CALN1: variants seen among roughly 807,000 people sequenced by gnomAD.
CALN1 encodes the protein calcium-binding protein 8.
In CALN1, 17 loss-of-function variants were observed where a neutral mutation model predicts 30.6. The ratio of observed to expected loss-of-function variants is 0.56; its 90% CI spans 0.38 to 0.83. The LOEUF is 0.83. CALN1 is among the 40% of genes least tolerant of loss of function. CALN1 has a pLI of 0.00. For missense variants in CALN1, 291 were observed against 354.9 expected (o/e 0.82, Z 1.45); for synonymous variants, 156 against 131.4 (o/e 1.19, Z -1.28).
At chr7:72,036,187 C>G (rs1463480270) in intron 4 of CALN1, among the ~76,000 whole-genome samples, 1 of 152,168 alleles carries the variant, frequency 6.6e-6, no homozygotes, top group Non-Finnish European at 1.5e-5. Flanking sequence ...TTCTGGCATC[C>G]AAAGTTTCTG....
intron 3 of CALN1, among the ~76,000 whole-genome samples, chr7:72,205,567 T>TATACACACATATATATATATAC (rs1562733737): frequency 1.1e-4 from 13 of 118,182 alleles, no homozygotes; most frequent in African/African-American, 4.7e-4. Context: ...TATATATATA[T>TATACACACATATATATATATAC]GTATATATAT....
intron 2 of CALN1, among the ~76,000 whole-genome samples, chr7:72,315,164 T>C (rs1800352828): frequency 1.3e-5 from 2 of 151,694 alleles, no homozygotes; most frequent in East Asian, 1.9e-4. Context: ...AAAATAATTT[T>C]TAATAATAAA....
intron 2 of CALN1, among the ~76,000 whole-genome samples, chr7:72,399,872 G>T (rs767917553): frequency 3.9e-5 from 6 of 152,128 alleles, no homozygotes; most frequent in African/African-American, 1.2e-4. Context: ...CACCCTTCCT[G>T]TGATAATGAG....
intron 5 of CALN1, among the ~76,000 whole-genome samples, chr7:71,898,010 AGG>A (rs1295708591): frequency 6.7e-4 from 41 of 61,164 alleles, no homozygotes; most frequent in Non-Finnish European, 6.1e-4. Flanking sequence ...AGAGGGAGGG[AGG>A]GGGGGGGAGA....
At chr7:72,212,177 A>C (rs1460780077) in intron 3 of CALN1, among the ~76,000 whole-genome samples, 2 of 152,002 alleles carry the variant, frequency 1.3e-5, no homozygotes, top group African/African-American at 4.8e-5. Context: ...AGTGAAACCC[A>C]TCGCTACTAA....
rs369106102 is a variant in CALN1 at position 71,843,486 on chromosome 7, G to C, written c.502-32994C>G. Among the ~76,000 whole-genome samples the C allele has an allele frequency of 9.2e-5, 14 of 152,208 alleles. 1 individual carries two copies. In the East Asian group the frequency reaches 2.1e-3, roughly 23 times the overall value. On this transcript the variant is annotated intron_variant, in intron 5 of 6. Transcript: ENST00000395275. ...ACTATTTAGAAAAATAGCCAGGCAT[G>C]GTAGTGTGCACCTGGAGTCACAGCT... is the stretch of plus-strand genomic sequence containing the variant.
chr7:72,483,216 G>T, the CALN1 span, among the ~76,000 whole-genome samples: 1 of 146,308 alleles, frequency 6.8e-6, no homozygotes, highest in Non-Finnish European at 1.5e-5. Flanking sequence ...ATTTTCCCCT[G>T]ATGTTTTTTG....
chr7:72,291,130 G>A (rs1775860597), intron 2 of CALN1, among the ~76,000 whole-genome samples: 1 of 151,976 alleles, frequency 6.6e-6, no homozygotes, highest in Non-Finnish European at 1.5e-5. Flanking sequence ...CACCATGTTG[G>A]CCAGGCTGGT....
At chr7:71,857,626 G>A (rs1268839465) in intron 5 of CALN1, among the ~76,000 whole-genome samples, 12 of 151,998 alleles carry the variant, frequency 7.9e-5, no homozygotes, top group African/African-American at 1.7e-4. Context: ...AGTTGCCCCC[G>A]CCCACTTAAT....
chr7:72,298,841 C>T (rs944396887), intron 2 of CALN1, among the ~76,000 whole-genome samples: 1 of 151,648 alleles, frequency 6.6e-6, no homozygotes. Context: ...GCGGAGTTTC[C>T]CTGCACAAAC....
intron 5 of CALN1, among the ~76,000 whole-genome samples, chr7:71,922,896 ATGT>A (rs1385181218): frequency 2.2e-5 from 3 of 137,476 alleles, no homozygotes; most frequent in Admixed American, 7.5e-5. Flanking sequence ...ATTAATATAT[ATGT>A]ATATATTTGT....
intron 5 of CALN1, among the ~76,000 whole-genome samples, chr7:71,912,081 G>A (rs1050464266): frequency 6.6e-6 from 1 of 151,966 alleles, no homozygotes; most frequent in Non-Finnish European, 1.5e-5. Context: ...CCTAAGATCT[G>A]GACCTCTTCA....
intron 3 of CALN1, among the ~76,000 whole-genome samples, chr7:72,223,936 G>C (rs147175872): frequency 9.2e-5 from 14 of 152,256 alleles, no homozygotes; most frequent in Admixed American, 2.0e-4. Context: ...TGTATACATG[G>C]AGCTCAAGTA....
chr7:72,179,019 C>G (rs181821962), intron 3 of CALN1, among the ~76,000 whole-genome samples: 1 of 152,244 alleles, frequency 6.6e-6, no homozygotes, highest in African/African-American at 2.4e-5. Flanking sequence ...TAAATGAAAA[C>G]TGGTGATTTT....
the CALN1 span, among the ~76,000 whole-genome samples, chr7:72,496,952 C>A: frequency 6.6e-6 from 1 of 152,142 alleles, no homozygotes; most frequent in African/African-American, 2.4e-5. Flanking sequence ...TGCCAGAGAA[C>A]TGGAACTGAG....
intron 4 of CALN1, among the ~76,000 whole-genome samples, chr7:72,094,977 C>T (rs1806117726): frequency 6.6e-6 from 1 of 152,054 alleles, no homozygotes; most frequent in African/African-American, 2.4e-5. Flanking sequence ...GTTTGAAATA[C>T]CAAGGTATTT....
chr7:71,803,654 T>C lies in CALN1; in HGVS notation c.658+6682A>G, dbSNP rs188327790. On this transcript the variant is annotated intron_variant, in intron 6 of 6. Coordinates refer to ENST00000395275, the MANE Select transcript of CALN1 (RefSeq NM_031468.4). ...CACACCCAGCTAATTTTTGTATTTT[T>C]AGTAGAGACAGGGTTTCGCCATGTT... Among the ~76,000 whole-genome samples the C allele has an allele frequency of 7.4e-3, 1,130 of 152,196 alleles. 17 individuals carry two copies. Among genetic ancestry groups the C allele is most frequent in the African/African-American group, 0.025 (1,034 of 41,540 alleles).
intron 2 of CALN1, among the ~76,000 whole-genome samples, chr7:72,402,153 A>G (rs541901057): frequency 8.2e-5 from 12 of 146,098 alleles, no homozygotes; most frequent in Non-Finnish European, 1.5e-4. Flanking sequence ...TCAGAGGCTA[A>G]GAGAGTGGCT....
intron 4 of CALN1, among the ~76,000 whole-genome samples, chr7:72,032,208 A>G (rs901870208): frequency 1.3e-5 from 2 of 151,174 alleles, no homozygotes; most frequent in Non-Finnish European, 2.9e-5. Flanking sequence ...ACAGGCGCCC[A>G]CCACTGCGCC....
Sources: gnomAD v4.1 joint callset for allele counts (sites outside exome capture counted in the v4.1 genomes callset) on GRCh38, gnomAD v4.1.1 for gene constraint, MANE v1.5 for transcripts, NCBI Gene and HGNC (gene_info 2026-07-23, HGNC 2026-07-21) for gene names.